The following TCF7L1 variants were observed in gnomAD, a reference collection of about 807,000 sequenced individuals.
TCF7L1 encodes transcription factor 7-like 1.
In TCF7L1, 18 loss-of-function variants were observed where a neutral mutation model predicts 63.7. That is an observed-to-expected ratio of 0.28 (90% CI 0.20 to 0.42). TCF7L1 has a LOEUF of 0.42. TCF7L1 is among the 10% of genes least tolerant of loss of function. The probability of loss-of-function intolerance (pLI) is 1.00; values close to 1 mark genes in which losing one functional copy is unlikely to be tolerated. For synonymous variants in TCF7L1, 355 were observed against 340.9 expected, an observed-to-expected ratio of 1.04 and a Z score of -0.46; for missense variants, 654 against 779.3, an observed-to-expected ratio of 0.84 and a Z score of 1.91.
intron 3 of TCF7L1, chr2:85,262,095 G>T (rs1228431691): frequency 1.8e-6 from 1 of 541,690 alleles, no homozygotes; most frequent in East Asian, 5.0e-5. Context: ...ATCCGACCCA[G>T]TTGTTTTCTT....
At chr2:85,160,259 G>C (rs567153385) in intron 3 of TCF7L1, among the ~76,000 whole-genome samples, 11 of 152,266 alleles carry the variant, frequency 7.2e-5, no homozygotes, top group Admixed American at 6.5e-4. Context: ...TTTGTTGGCC[G>C]CATTGTGTGC....
At chr2:85,248,308 TGAA>T (rs1482287550) in intron 3 of TCF7L1, among the ~76,000 whole-genome samples, 1 of 152,178 alleles carries the variant, frequency 6.6e-6, no homozygotes, top group African/African-American at 2.4e-5. Context: ...GGGAACCGTC[TGAA>T]GAGATTGTGT....
chr2:85,204,291 T>TC (rs58706474), intron 3 of TCF7L1, among the ~76,000 whole-genome samples: 1,335 of 21,902 alleles, frequency 0.061, 134 homozygotes, highest in South Asian at 0.09. Flanking sequence ...ATAACTTGCT[T>TC]CCCCCCCCCC....
chr2:85,249,563 A>C (rs1680545361), intron 3 of TCF7L1, among the ~76,000 whole-genome samples: 1 of 152,180 alleles, frequency 6.6e-6, no homozygotes, highest in Non-Finnish European at 1.5e-5. Context: ...CCCTCTTCTC[A>C]AGGTGACCCC....
intron 3 of TCF7L1, among the ~76,000 whole-genome samples, chr2:85,185,112 G>T (rs779464273): frequency 1.3e-5 from 2 of 152,162 alleles, no homozygotes; most frequent in Non-Finnish European, 2.9e-5. Flanking sequence ...TCTTAGGAAA[G>T]TGACTACCTG....
chr2:85,241,314 A>G (rs1354436729), intron 3 of TCF7L1, among the ~76,000 whole-genome samples: 1 of 151,922 alleles, frequency 6.6e-6, no homozygotes, highest in Non-Finnish European at 1.5e-5. Context: ...TGCCTTCTAC[A>G]TGGTGGTGCA....
chr2:85,301,916 A>G (rs939526111), intron 4 of TCF7L1, among the ~76,000 whole-genome samples: 2 of 152,162 alleles, frequency 1.3e-5, no homozygotes, highest in Non-Finnish European at 2.9e-5. Flanking sequence ...ACCTGAGGTC[A>G]GGAGTTCAAG....
intron 3 of TCF7L1, among the ~76,000 whole-genome samples, chr2:85,249,233 G>T (rs924447979): frequency 6.6e-6 from 1 of 152,224 alleles, no homozygotes; most frequent in Non-Finnish European, 1.5e-5. Flanking sequence ...AACCCAGCAG[G>T]AGAACCAGCT....
rs573026886 is a variant in TCF7L1 at position 85,173,126 on chromosome 2, T to C, written c.441+38676T>C. Among the ~76,000 whole-genome samples the C allele has an allele frequency of 1.6e-4, 25 of 152,338 alleles. 1 individual carries two copies. Among genetic ancestry groups the C allele is most frequent in the Admixed American group, 9.8e-4 (15 of 15,300 alleles). On this transcript the variant is annotated intron_variant, in intron 3 of 11. Transcript: ENST00000282111. ...CTTATTTCCTGAGAAAAGTTAAACT[T>C]GCCAAATAAATATTCCTTTCAAAAG... is the stretch of plus-strand genomic sequence containing the variant.
At chr2:85,250,661 T>C (rs2104334881) in intron 3 of TCF7L1, among the ~76,000 whole-genome samples, 1 of 152,294 alleles carries the variant, frequency 6.6e-6, no homozygotes, top group African/African-American at 2.4e-5. Context: ...GGTCTCGAAC[T>C]CCTGGCCTCA....
At chr2:85,261,934 A>T (rs1164476415) in intron 3 of TCF7L1, among the ~76,000 whole-genome samples, 2 of 152,240 alleles carry the variant, frequency 1.3e-5, no homozygotes, top group African/African-American at 4.8e-5. Flanking sequence ...TCTTGTAATA[A>T]CATAAGGGTA....
intron 4 of TCF7L1, among the ~76,000 whole-genome samples, chr2:85,299,903 A>ACACACACACACACACACACACT (rs1558660696): frequency 4.0e-5 from 6 of 150,144 alleles, no homozygotes; most frequent in Non-Finnish European, 8.9e-5. Context: ...ACACACACAC[A>ACACACACACACACACACACACT]CTGATGCCCA....
At chr2:85,179,192 A>G (rs1446899732) in intron 3 of TCF7L1, among the ~76,000 whole-genome samples, 1 of 152,222 alleles carries the variant, frequency 6.6e-6, no homozygotes, top group African/African-American at 2.4e-5. Context: ...CCTGAGTTCA[A>G]AATGATACGA....
At chr2:85,192,064 G>C (rs1328636010) in intron 3 of TCF7L1, among the ~76,000 whole-genome samples, 1 of 152,188 alleles carries the variant, frequency 6.6e-6, no homozygotes. Context: ...GTGCTGCATA[G>C]GGCTGGGTGT....
At chr2:85,141,928 C>T (rs1270337940) in intron 3 of TCF7L1, among the ~76,000 whole-genome samples, 3 of 152,146 alleles carry the variant, frequency 2.0e-5, no homozygotes, top group Non-Finnish European at 2.9e-5. Context: ...GAGTGGGGGC[C>T]TTGGAATTTT....
intron 8 of TCF7L1, 126 bp downstream of exon 8, chr2:85,305,529 C>T (rs1682086242): frequency 8.6e-7 from 1 of 1,159,768 alleles, no homozygotes; most frequent in Non-Finnish European, 1.2e-6. Context: ...TCACAGCCTC[C>T]CCAGCCAGGC....
intron 3 of TCF7L1, among the ~76,000 whole-genome samples, chr2:85,174,814 T>C (rs1223805675): frequency 6.6e-6 from 1 of 152,236 alleles, no homozygotes; most frequent in African/African-American, 2.4e-5. Context: ...TGGGCCCTGC[T>C]GGGGCATCCA....
At chr2:85,163,464 C>T (rs1678335218) in intron 3 of TCF7L1, among the ~76,000 whole-genome samples, 1 of 152,126 alleles carries the variant, frequency 6.6e-6, no homozygotes, top group South Asian at 2.1e-4. Context: ...TCCCTCCTGC[C>T]CGACCAGAAG....
At chr2:85,141,506 T>C (rs1677737281) in intron 3 of TCF7L1, among the ~76,000 whole-genome samples, 1 of 152,128 alleles carries the variant, frequency 6.6e-6, no homozygotes, top group Admixed American at 6.5e-5. Context: ...CCGGTGTACC[T>C]TCCATATCTC....
Sources: gnomAD v4.1 joint callset for allele counts (sites outside exome capture counted in the v4.1 genomes callset) on GRCh38, gnomAD v4.1.1 for gene constraint, MANE v1.5 for transcripts, NCBI Gene and HGNC (gene_info 2026-07-23, HGNC 2026-07-21) for gene names.